GREB1: variants seen among roughly 807,000 people sequenced by gnomAD.
GREB1 encodes the protein protein GREB1.
GREB1 carries 106 observed loss-of-function variants against 200.7 expected under a neutral mutation model. That is an observed-to-expected ratio of 0.53 (90% confidence interval 0.45 to 0.62). The LOEUF is 0.62. Ranked by LOEUF, GREB1 falls within the 20% of genes least tolerant of loss-of-function variation. GREB1 has a pLI of 0.00. For missense variants in GREB1, 2,243 were observed against 2,556.8 expected, an observed-to-expected ratio of 0.88 and a Z score of 2.65; for synonymous variants, 1,132 against 1,092.4, an observed-to-expected ratio of 1.04 and a Z score of -0.72.
intron 26 of GREB1, among the ~76,000 whole-genome samples, chr2:11,630,366 G>C (rs954270151): frequency 1.7e-4 from 26 of 152,356 alleles, no homozygotes; most frequent in Middle Eastern, 3.4e-3. Context: ...TTACATTGGA[G>C]AGTAGCAACT....
intron 15 of GREB1, among the ~76,000 whole-genome samples, chr2:11,599,362 C>T (rs190396990): frequency 0.017 from 2,409 of 145,688 alleles, 43 homozygotes; most frequent in Admixed American, 0.023. Flanking sequence ...TTTTTTGAGA[C>T]GGAGTCTCAC....
intron 17 of GREB1, among the ~76,000 whole-genome samples, chr2:11,608,140 G>A (rs1266017532): frequency 6.6e-6 from 1 of 152,150 alleles, no homozygotes; most frequent in African/African-American, 2.4e-5. Context: ...TATTGTGGCT[G>A]GCAGGGCAAG....
intron 1 of GREB1, among the ~76,000 whole-genome samples, chr2:11,512,763 C>G (rs910543217): frequency 6.6e-6 from 1 of 152,152 alleles, no homozygotes. Flanking sequence ...TCACTGTGCC[C>G]AACACATGGC....
At chr2:11,485,319 T>TTGGA (rs2148393827) in intron 1 of GREB1, among the ~76,000 whole-genome samples, 1 of 150,528 alleles carries the variant, frequency 6.6e-6, no homozygotes, top group Non-Finnish European at 1.5e-5. Flanking sequence ...TTTACCCAGG[T>TTGGA]TGGAGTACAG....
intron 26 of GREB1, among the ~76,000 whole-genome samples, chr2:11,630,696 A>C (rs1321856324): frequency 6.6e-6 from 1 of 152,206 alleles, no homozygotes; most frequent in Non-Finnish European, 1.5e-5. Context: ...ATTTATACCT[A>C]TAGATATAGA....
intron 10 of GREB1, chr2:11,591,324 G>C: frequency 2.8e-6 from 2 of 721,642 alleles, no homozygotes; most frequent in South Asian, 3.0e-5. Flanking sequence ...GCTCAGGGCC[G>C]CACAGCTGGT....
At chr2:11,522,617 A>G (rs1405168801) in intron 1 of GREB1, among the ~76,000 whole-genome samples, 1 of 152,120 alleles carries the variant, frequency 6.6e-6, no homozygotes, top group East Asian at 1.9e-4. Flanking sequence ...CACCCGTGGC[A>G]GGTGTGGTTC....
At chr2:11,638,918 G>A in intron 32 of GREB1, 109 bp downstream of exon 32, 1 of 1,099,616 alleles carries the variant, frequency 9.1e-7, no homozygotes, top group Non-Finnish European at 1.3e-6. Context: ...TGGGTAAACT[G>A]AGGATCAGAG....
At chr2:11,631,792 C>A in intron 26 of GREB1, 117 bp from the exon 27 acceptor site, 1 of 781,354 alleles carries the variant, frequency 1.3e-6, no homozygotes. Context: ...CTGAAAATTC[C>A]AGCAGTGTAG....
chr2:11,613,169 C>T (rs1234878350), intron 19 of GREB1, among the ~76,000 whole-genome samples: 1 of 152,136 alleles, frequency 6.6e-6, no homozygotes, highest in East Asian at 1.9e-4. Context: ...AAAGTCTTAG[C>T]CACATATCCA....
intron 19 of GREB1, among the ~76,000 whole-genome samples, chr2:11,614,721 G>A (rs1015732237): frequency 7.9e-5 from 12 of 152,002 alleles, no homozygotes; most frequent in African/African-American, 2.4e-4. Flanking sequence ...CCGCCACCAC[G>A]CCTGGCTCAT....
chr2:11,584,500 TTCTC>T (rs1418550272), intron 7 of GREB1, among the ~76,000 whole-genome samples: 1 of 152,174 alleles, frequency 6.6e-6, no homozygotes, highest in African/African-American at 2.4e-5. Flanking sequence ...ACAAACATAT[TTCTC>T]TCTTCCAGCC....
intron 1 of GREB1, among the ~76,000 whole-genome samples, chr2:11,508,827 T>C (rs1673257327): frequency 6.6e-6 from 1 of 151,728 alleles, no homozygotes; most frequent in African/African-American, 2.4e-5. Flanking sequence ...TTCCGAAACA[T>C]GAAGACATCT....
intron 19 of GREB1, among the ~76,000 whole-genome samples, chr2:11,614,086 C>T (rs1475901834): frequency 6.6e-6 from 1 of 151,670 alleles, no homozygotes; most frequent in Non-Finnish European, 1.5e-5. Flanking sequence ...TAATTAAATG[C>T]TCACTGATTA....
intron 1 of GREB1, among the ~76,000 whole-genome samples, chr2:11,549,253 T>C (rs1373627521): frequency 1.3e-5 from 2 of 152,146 alleles, no homozygotes; most frequent in Non-Finnish European, 2.9e-5. Context: ...TTTTCCCCCA[T>C]GAACCCCCAA....
chr2:11,598,998 G>C, intron 15 of GREB1, 138 bp downstream of exon 15: 1 of 724,038 alleles, frequency 1.4e-6, no homozygotes, highest in Non-Finnish European at 2.4e-6. Context: ...CAGATGCCAT[G>C]GAGGTTTCCC....
chr2:11,538,708 C>T (rs1674443516), intron 1 of GREB1, among the ~76,000 whole-genome samples: 3 of 118,832 alleles, frequency 2.5e-5, no homozygotes, highest in African/African-American at 9.8e-5. Flanking sequence ...CTCCCTCCCT[C>T]CCTTCCTCCC....
At chr2:11,538,637 CTTT>C (rs1558510659) in intron 1 of GREB1, among the ~76,000 whole-genome samples, 1,882 of 31,566 alleles carry the variant, frequency 0.06, 134 homozygotes, top group South Asian at 0.16. Flanking sequence ...TTCTTTCTTT[CTTT>C]CTTTCTTTCT....
At chr2:11,602,897 G>A (rs1327329350) in intron 17 of GREB1, among the ~76,000 whole-genome samples, 2 of 152,202 alleles carry the variant, frequency 1.3e-5, no homozygotes, top group Non-Finnish European at 2.9e-5. Context: ...TTTTATTTCC[G>A]ATGCATATCA....
Sources: allele counts gnomAD v4.1 joint callset (sites outside exome capture counted in the v4.1 genomes callset), GRCh38; gene constraint gnomAD v4.1.1; transcripts MANE v1.5; gene names NCBI Gene and HGNC (gene_info 2026-07-23, HGNC 2026-07-21).